The following PARD3 variants were observed in gnomAD, a reference collection of about 807,000 sequenced individuals.
The protein encoded by PARD3 is par-3 family cell polarity regulator.
PARD3 carries 75 observed loss-of-function variants against 155.4 expected under a neutral mutation model. The observed-to-expected ratio is 0.48, with a 90% confidence interval of 0.40 to 0.58. PARD3 has a LOEUF of 0.58. PARD3 is among the 20% of genes least tolerant of loss of function. The pLI, the probability that PARD3 is intolerant of heterozygous loss-of-function variation, is 0.00. For missense variants in PARD3, 1,642 were observed against 1,721.7 expected (o/e 0.95, Z 0.82); for synonymous variants, 576 against 610.5 (o/e 0.94, Z 0.83).
intron 1 of PARD3, among the ~76,000 whole-genome samples, chr10:34,732,773 C>T (rs10128209): frequency 0.25 from 38,124 of 152,080 alleles, 5,695 homozygotes; most frequent in East Asian, 0.5. Flanking sequence ...ATAGAATTTA[C>T]GTTACGCCAT....
chr10:34,580,172 C>A (rs1172806207), intron 2 of PARD3, among the ~76,000 whole-genome samples: 1 of 152,112 alleles, frequency 6.6e-6, no homozygotes, highest in African/African-American at 2.4e-5. Flanking sequence ...ACCTCAGCCT[C>A]CCAAAGTGCT....
chr10:34,373,255 C>T (rs768364727), intron 11 of PARD3, among the ~76,000 whole-genome samples: 4 of 151,298 alleles, frequency 2.6e-5, no homozygotes, highest in Non-Finnish European at 4.4e-5. Flanking sequence ...GGCCTACTGG[C>T]GTACTCCTTA....
intron 3 of PARD3, among the ~76,000 whole-genome samples, chr10:34,491,766 CT>C (rs1278314141): frequency 1.3e-5 from 2 of 152,164 alleles, no homozygotes; most frequent in African/African-American, 2.4e-5. Flanking sequence ...TAAAATGTTT[CT>C]GTTATTTAAG....
At chr10:34,478,537 A>C (rs143837482) in intron 3 of PARD3, among the ~76,000 whole-genome samples, 1 of 152,316 alleles carries the variant, frequency 6.6e-6, no homozygotes, top group African/African-American at 2.4e-5. Flanking sequence ...GTCAAGGGGA[A>C]AAAAACATAT....
rs546199970 is a variant in PARD3, at chr10:34,493,790, A to G, written c.403+23189T>C. 8.3e-4 allele frequency among the ~76,000 whole-genome samples: 126 copies of G among 152,244 alleles called. No individual in the cohort carries two copies. The Middle Eastern group carries it at 0.017, about 21-fold the overall frequency. Reference sequence around the variant, plus strand: ...TAGTACATAAACTTCCAACTAAACTATATTAAAACAAAGATAATACTCAAA... The same window carrying G: ...TAGTACATAAACTTCCAACTAAACTGTATTAAAACAAAGATAATACTCAAA... On this transcript the variant is annotated intron_variant, in intron 3 of 24. Coordinates refer to ENST00000374788, the MANE Select transcript of PARD3 (RefSeq NM_001184785.2).
chr10:34,174,989 T>C lies in PARD3; in HGVS notation c.3420-43406A>G, dbSNP rs142924290. On this transcript the variant is annotated intron_variant, in intron 22 of 24. Coordinates refer to ENST00000374788, the MANE Select transcript of PARD3 (RefSeq NM_001184785.2). The stretch of plus-strand genomic sequence containing the variant: ...TTTTTTTCTTCTTAAGGCCAATTCA[T>C]TGTATTTTAAAATTAATACATGCTT... Among the ~76,000 whole-genome samples the C allele has an allele frequency of 5.0e-3, 760 of 152,312 alleles. 5 individuals are homozygous for C. Among genetic ancestry groups the C allele is most frequent in the African/African-American group, 0.016 (681 of 41,564 alleles).
chr10:34,519,624 G>A (rs2082003129), intron 2 of PARD3, among the ~76,000 whole-genome samples: 2 of 152,006 alleles, frequency 1.3e-5, no homozygotes, highest in Non-Finnish European at 2.9e-5. Flanking sequence ...GACCAGCCTG[G>A]CCAACATGAT....
chr10:34,463,703 AC>A (rs1249544099), intron 4 of PARD3, among the ~76,000 whole-genome samples: 9 of 152,216 alleles, frequency 5.9e-5, no homozygotes, highest in East Asian at 1.9e-4. Context: ...CTCAAAAAAA[AC>A]ATTATACAGT....
intron 5 of PARD3, among the ~76,000 whole-genome samples, chr10:34,425,947 C>A (rs2075580038): frequency 1.3e-5 from 2 of 152,120 alleles, no homozygotes; most frequent in African/African-American, 4.8e-5. Context: ...ATAAACACAA[C>A]AATGATTCCA....
At chr10:34,675,697 C>A in intron 2 of PARD3, 1 of 195,596 alleles carries the variant, frequency 5.1e-6, no homozygotes, top group Non-Finnish European at 1.1e-5. Context: ...TTATAACTTC[C>A]ATAGTCCTTA....
In PARD3 at chr10:34,341,708, G is replaced by A; in HGVS notation, c.2327C>T (p.Ser776Phe). ...LPPHLSDQSS[S>F]SSHDDVGFVT... ...AAACCCCACATCATCATGGGAGCTG[G>A]AAGAGGACTGGTCAGAGAGATGTGG... The change falls in exon 16 of 25, where the codon TCC becomes TTC. Residue 776 changes from serine to phenylalanine, a missense_variant. Ser to Phe is a radical substitution (Grantham distance 155). Transcript: ENST00000374788. The A allele has an allele frequency of 1.2e-6, 2 of 1,614,012 alleles. No homozygotes were observed. The highest frequency in any genetic ancestry group is 1.7e-6 in the Non-Finnish European group (2 of 1,179,952).
intron 1 of PARD3, among the ~76,000 whole-genome samples, chr10:34,708,959 G>T (rs1564531856): frequency 6.6e-6 from 1 of 152,244 alleles, no homozygotes; most frequent in East Asian, 1.9e-4. Flanking sequence ...AAGGAGTTGT[G>T]TTCTGAAGTA....
chr10:34,698,472 G>A (rs2094214685), intron 1 of PARD3, among the ~76,000 whole-genome samples: 1 of 152,186 alleles, frequency 6.6e-6, no homozygotes, highest in Non-Finnish European at 1.5e-5. Flanking sequence ...AGACTTCTCA[G>A]GCATCCTCTT....
intron 1 of PARD3, among the ~76,000 whole-genome samples, chr10:34,739,405 T>C: frequency 6.6e-6 from 1 of 152,270 alleles, no homozygotes; most frequent in African/African-American, 2.4e-5. Context: ...GTTCAAGAAA[T>C]GAGGAAGGGA....
chr10:34,425,919 C>A (rs959810607), intron 5 of PARD3, among the ~76,000 whole-genome samples: 16 of 152,282 alleles, frequency 1.1e-4, no homozygotes, highest in East Asian at 9.6e-4. Flanking sequence ...GCTTTACATC[C>A]ACCTATATTA....
At chr10:34,646,993 C>A (rs1159816932) in intron 2 of PARD3, among the ~76,000 whole-genome samples, 1 of 152,212 alleles carries the variant, frequency 6.6e-6, no homozygotes, top group Non-Finnish European at 1.5e-5. Context: ...CAGAACCATA[C>A]AACTCCCACT....
At chr10:34,142,930 C>A (rs1043694136) in intron 22 of PARD3, among the ~76,000 whole-genome samples, 1 of 152,210 alleles carries the variant, frequency 6.6e-6, no homozygotes, top group African/African-American at 2.4e-5. Flanking sequence ...CTAAAATATA[C>A]ATTTAGGTGT....
chr10:34,516,043 A>G (rs750112914), intron 3 of PARD3, among the ~76,000 whole-genome samples: 16 of 151,414 alleles, frequency 1.1e-4, no homozygotes, highest in Non-Finnish European at 1.3e-4. Flanking sequence ...TGCAACCTCC[A>G]TCTCCAACCT....
At chr10:34,797,505 G>A (rs1298926853) in intron 1 of PARD3, among the ~76,000 whole-genome samples, 1 of 152,168 alleles carries the variant, frequency 6.6e-6, no homozygotes, top group Non-Finnish European at 1.5e-5. Flanking sequence ...TTGTGAAAGT[G>A]TGCCAACAGT....
Sources: allele counts gnomAD v4.1 joint callset (sites outside exome capture counted in the v4.1 genomes callset), GRCh38; gene constraint gnomAD v4.1.1; transcripts MANE v1.5; gene names NCBI Gene and HGNC (gene_info 2026-07-23, HGNC 2026-07-21).